Variants in SAFB2 observed in about 807,000 individuals in gnomAD.
SAFB2 encodes the protein scaffold attachment factor B2.
In SAFB2, 32 loss-of-function variants were observed where a neutral mutation model predicts 100.6. The ratio of observed to expected loss-of-function variants is 0.32; its 90% CI spans 0.24 to 0.43. The LOEUF (loss-of-function observed/expected upper bound fraction) is 0.43. Ranked by LOEUF, SAFB2 falls within the 20% of genes least tolerant of loss-of-function variation. The pLI is 1.00. For missense variants in SAFB2, 1,185 were observed against 1,163.4 expected, an observed-to-expected ratio of 1.02 and a Z score of -0.27; for synonymous variants, 500 against 439.4, an observed-to-expected ratio of 1.14 and a Z score of -1.72.
intron 9 of SAFB2, among the ~76,000 whole-genome samples, chr19:5,609,782 G>A (rs2052866654): frequency 6.6e-6 from 1 of 152,196 alleles, no homozygotes. Flanking sequence ...CACTGCACAA[G>A]ACTGGGCGAG....
chr19:5,595,298 G>T (rs976733123), intron 14 of SAFB2, 63 bp downstream of exon 14: 1 of 1,568,352 alleles, frequency 6.4e-7, no homozygotes, highest in East Asian at 2.2e-5. Flanking sequence ...AAGTACAGCT[G>T]GGAGAAGGAC....
At chr19:5,612,328 G>T (rs772895678) in intron 6 of SAFB2, 2 of 601,994 alleles carry the variant, frequency 3.3e-6, no homozygotes, top group Non-Finnish European at 5.9e-6. Context: ...CTACTACATT[G>T]CACCAAATGT....
Position 5,587,454 on chromosome 19 carries a change from G to C in SAFB2, c.2706-55C>G. 3.9e-6 allele frequency: 6 copies of C among 1,552,062 alleles called. No homozygotes were observed. In the East Asian group the frequency reaches 7.2e-5, roughly 19 times the overall value. ...CCTTGAAGTGCTCAGCGTTTTCATC[G>C]TAACATGGGTTCAGTAACGGTCCCG... On this transcript the variant is annotated intron_variant, in intron 20 of 20. Transcript: ENST00000252542. This position sits in a 1 kb window ranked among gnomAD's most constrained non-coding sequence, Gnocchi z 4.9.
intron 13 of SAFB2, among the ~76,000 whole-genome samples, chr19:5,596,154 T>C (rs1169359849): frequency 6.6e-6 from 1 of 152,162 alleles, no homozygotes; most frequent in Non-Finnish European, 1.5e-5. Context: ...TCCCAGCTAC[T>C]TAAGAGGCTG....
chr19:5,590,238 G>T, intron 18 of SAFB2, 40 bp downstream of exon 18: 3 of 1,497,242 alleles, frequency 2.0e-6, no homozygotes, highest in Non-Finnish European at 1.8e-6. Flanking sequence ...TCCCAGGTTA[G>T]GACAGATGCT....
At chr19:5,613,572 G>C in intron 4 of SAFB2, 45 bp from the exon 5 acceptor site, 1 of 1,598,800 alleles carries the variant, frequency 6.3e-7, no homozygotes, top group Non-Finnish European at 8.5e-7. Context: ...CTGGAGCTAT[G>C]AAAACCAAGG....
intron 13 of SAFB2, among the ~76,000 whole-genome samples, chr19:5,595,986 C>T (rs181913162): frequency 5.3e-5 from 8 of 152,254 alleles, no homozygotes; most frequent in Non-Finnish European, 8.8e-5. Flanking sequence ...TATGCCAGGC[C>T]GGGCGCAGTG....
intron 4 of SAFB2, 58 bp downstream of exon 4, chr19:5,616,074 C>G (rs750852648): frequency 1.3e-6 from 2 of 1,529,126 alleles, no homozygotes; most frequent in East Asian, 2.3e-5. Context: ...GAGCAGCACG[C>G]GAGCACCAGG....
intron 2 of SAFB2, among the ~76,000 whole-genome samples, 157 bp from the exon 3 acceptor site, chr19:5,616,643 C>CTTTTTTTTTTTTT (rs60033130): frequency 8.2e-5 from 6 of 72,798 alleles, no homozygotes; most frequent in Admixed American, 2.1e-4. Flanking sequence ...AATTTGTTTT[C>CTTTTTTTTTTTTT]TTTTTTTTTT....
chr19:5,596,554 G>A (rs1026881459), intron 13 of SAFB2, among the ~76,000 whole-genome samples: 1 of 152,130 alleles, frequency 6.6e-6, no homozygotes, highest in African/African-American at 2.4e-5. Context: ...CTATTGTCCA[G>A]GCTGGTCTCA....
At chr19:5,619,832 CA>C (rs1431361937) in intron 2 of SAFB2, among the ~76,000 whole-genome samples, 1 of 140,890 alleles carries the variant, frequency 7.1e-6, no homozygotes, top group African/African-American at 2.6e-5. Context: ...GCAACAACAG[CA>C]AAACTCCATC....
Position 5,587,088 on chromosome 19 carries a change from T to TAA in SAFB2, c.*153_*154dup, listed in dbSNP as rs761417725. 3.6e-3 allele frequency: 2,843 copies of TAA among 786,924 alleles called. No individual in the cohort carries two copies. Among genetic ancestry groups the TAA allele is most frequent in the South Asian group, 5.1e-3 (188 of 37,088 alleles). The allele number at this position is 786,924 out of a possible 1,614,324, so 48.7% of individuals were successfully genotyped here. ...ATGGCAGAACAAGAACACATTTATTTAAAAAAAAAAAAAAAGTGAGTTCAC... is the reference window on the plus strand; with the variant it reads ...ATGGCAGAACAAGAACACATTTATTTAAAAAAAAAAAAAAAAAGTGAGTTCAC... On this transcript the variant is annotated 3_prime_UTR_variant, in exon 21 of 21. Coordinates refer to ENST00000252542, the MANE Select transcript of SAFB2 (RefSeq NM_014649.3). This position sits in a 1 kb window ranked among gnomAD's most constrained non-coding sequence, Gnocchi z 4.9.
chr19:5,609,923 C>T, intron 9 of SAFB2, 72 bp downstream of exon 9: 3 of 1,327,170 alleles, frequency 2.3e-6, no homozygotes, highest in Non-Finnish European at 3.2e-6. Flanking sequence ...TAGACGTGAA[C>T]CACCGTGCCC....
chr19:5,616,239 C>T lies in SAFB2; in HGVS notation c.436G>A (p.Asp146Asn). 1.2e-6 allele frequency: 2 copies of T among 1,614,246 alleles called. No individual in the cohort carries two copies. Among genetic ancestry groups the T allele is most frequent in the Non-Finnish European group, 1.7e-6 (2 of 1,180,048 alleles). ...ETEVANSSAP[D>N]FGEDGTDGLL... ...CCGTCCGTGCCATCCTCCCCAAAAT[C>T]TGGAGCACTGCTATTCGCCACTTCA... The change falls in exon 4 of 21, where the codon GAT (aspartate) becomes AAT (asparagine). Residue 146 changes from aspartate (D) to asparagine (N), a missense_variant. Coordinates refer to ENST00000252542, the MANE Select transcript of SAFB2 (RefSeq NM_014649.3).
Position 5,595,378 on chromosome 19 carries a change from G to C in SAFB2, c.1902C>G (p.Arg634=), listed in dbSNP as rs371849776. The C allele has an allele frequency of 1.2e-6, 2 of 1,611,316 alleles. No homozygotes were observed. The highest frequency in any genetic ancestry group is 2.2e-5 in the East Asian group (1 of 44,814). The change falls in exon 14 of 21, where the codon CGC becomes CGG. Residue 634 remains arginine (R), a synonymous_variant. Coordinates refer to ENST00000252542, the MANE Select transcript of SAFB2 (RefSeq NM_014649.3). ...CCACTCACCGCCGCCTCTCCGTTTC[G>C]CGGATCTCCCGTTCCCGCTGCCTCT... ...ERQRQREREI[R]ETERRREREQ... is the part of the protein sequence containing the mutation.
chr19:5,620,056 G>A (rs549324989), intron 2 of SAFB2, among the ~76,000 whole-genome samples: 10 of 152,216 alleles, frequency 6.6e-5, no homozygotes, highest in African/African-American at 2.2e-4. Flanking sequence ...TATTTCCTGC[G>A]TAGACCAGTC....
At chr19:5,622,129 C>A (rs943017700) in intron 1 of SAFB2, among the ~76,000 whole-genome samples, 4 of 152,216 alleles carry the variant, frequency 2.6e-5, no homozygotes, top group Non-Finnish European at 5.9e-5. Context: ...GAACAAGCAC[C>A]GCCCCCTTTC....
rs1438365726 is a variant in SAFB2, at chr19:5,587,384, T to C, written c.2721A>G (p.Ala907=). 6 of 1,612,234 alleles carry C rather than the reference T, an allele frequency of 3.7e-6. No homozygotes were observed. The highest frequency in any genetic ancestry group is 4.2e-6 in the Non-Finnish European group (5 of 1,179,356). The change falls in exon 21 of 21, where the codon GCA becomes GCG. Residue 907 remains alanine (A), a synonymous_variant. Coordinates refer to ENST00000252542, the MANE Select transcript of SAFB2 (RefSeq NM_014649.3). This position sits in a 1 kb window ranked among gnomAD's most constrained non-coding sequence, Gnocchi z 4.9. ...RGGVAGRGGF[A]QGGHSQGHVV... ...CGTGGCCCTGGGAATGTCCACCTTG[T>C]GCAAAGCCGCCTCGCCTAGGAACAA...
At chr19:5,590,246 G>A in intron 18 of SAFB2, 32 bp downstream of exon 18, 1 of 1,501,838 alleles carries the variant, frequency 6.7e-7, no homozygotes, top group Non-Finnish European at 9.0e-7. Flanking sequence ...TAGGACAGAT[G>A]CTCCCCACCC....
Sources: allele counts gnomAD v4.1 joint callset (sites outside exome capture counted in the v4.1 genomes callset), GRCh38; gene constraint gnomAD v4.1.1; non-coding constraint Gnocchi (gnomAD v3.1); transcripts MANE v1.5; gene names NCBI Gene and HGNC (gene_info 2026-07-23, HGNC 2026-07-21).